Variants in RBFOX3 observed in about 807,000 individuals in gnomAD.
RBFOX3 encodes RNA binding protein fox-1 homolog 3.
Under a neutral mutation model 48.7 loss-of-function variants are expected in RBFOX3, and 17 were observed. That is an observed-to-expected ratio of 0.35 (90% CI 0.24 to 0.52). The LOEUF (loss-of-function observed/expected upper bound fraction) is 0.52. Among genes scored for constraint, RBFOX3 ranks in the 20% least tolerant of loss-of-function variants. The pLI, the probability that RBFOX3 is intolerant of heterozygous loss-of-function variation, is 0.94. For synonymous variants in RBFOX3, 212 were observed against 209.5 expected, an observed-to-expected ratio of 1.01 and a Z score of -0.10; for missense variants, 382 against 497.5, an observed-to-expected ratio of 0.77 and a Z score of 2.21.
rs1230101008 is a variant in RBFOX3 at position 79,165,166 on chromosome 17, T to A, written c.-33-49418A>T. The stretch of plus-strand genomic sequence containing the variant: ...CTGGTGTCCTCTGCCCTCCAGCATC[T>A]TCCTGCACAGCCCTCTGGGCTGGCT... On this transcript the variant is annotated intron_variant, in intron 4 of 14. Coordinates refer to ENST00000693108, the MANE Select transcript of RBFOX3 (RefSeq NM_001350451.2). 3.9e-5 allele frequency among the ~76,000 whole-genome samples: 6 copies of A among 152,144 alleles called. No homozygotes were observed. The East Asian group carries it at 1.2e-3, about 29-fold the overall frequency.
intron 1 of RBFOX3, among the ~76,000 whole-genome samples, chr17:79,534,115 T>G (rs529047976): frequency 3.5e-4 from 53 of 152,332 alleles, no homozygotes; most frequent in African/African-American, 1.2e-3. Context: ...CACAGAAACT[T>G]GCAATTAAGC....
At chr17:79,263,242 C>A (rs2066102329) in intron 3 of RBFOX3, among the ~76,000 whole-genome samples, 2 of 152,264 alleles carry the variant, frequency 1.3e-5, no homozygotes, top group Admixed American at 6.5e-5. Context: ...GAGAACACAG[C>A]AAGGGCAAAC....
chr17:79,292,017 A>T (rs1567987184), intron 3 of RBFOX3, among the ~76,000 whole-genome samples: 1 of 151,800 alleles, frequency 6.6e-6, no homozygotes, highest in Admixed American at 6.6e-5. Flanking sequence ...GTAGCTTAGG[A>T]CCCCCAAAGC....
chr17:79,522,671 T>C (rs2086267153), intron 1 of RBFOX3, among the ~76,000 whole-genome samples: 1 of 151,968 alleles, frequency 6.6e-6, no homozygotes, highest in Non-Finnish European at 1.5e-5. Flanking sequence ...GGCTCACGCC[T>C]GTAAACCCAG....
chr17:79,298,145 T>A (rs1160441539), intron 3 of RBFOX3: 1 of 152,222 alleles, frequency 6.6e-6, no homozygotes, highest in Non-Finnish European at 1.5e-5. Flanking sequence ...CAGAAAAGCA[T>A]CTGCAGCTAC....
chr17:79,101,678 G>A (rs1012448190), intron 8 of RBFOX3, 34 bp from the exon 9 acceptor site: 12 of 1,543,428 alleles, frequency 7.8e-6, no homozygotes, highest in African/African-American at 2.7e-5. Flanking sequence ...GAGGAAGAGG[G>A]AGGATTAGCC....
intron 1 of RBFOX3, among the ~76,000 whole-genome samples, chr17:79,608,241 G>A (rs2093881053): frequency 2.0e-5 from 3 of 152,230 alleles, no homozygotes; most frequent in Admixed American, 6.5e-5. Flanking sequence ...CCTGCGGAAG[G>A]GCAGTGAATA....
intron 1 of RBFOX3, among the ~76,000 whole-genome samples, chr17:79,560,318 C>G (rs992030290): frequency 6.6e-6 from 1 of 152,176 alleles, no homozygotes; most frequent in East Asian, 1.9e-4. Flanking sequence ...GGATACTTTG[C>G]GAACTGCAGA....
chr17:79,438,556 G>C (rs1259434551), intron 2 of RBFOX3, among the ~76,000 whole-genome samples: 16 of 152,222 alleles, frequency 1.1e-4, no homozygotes, highest in African/African-American at 3.9e-4. Context: ...GGGGCAGCCA[G>C]GCTGCACAGC....
intron 1 of RBFOX3, among the ~76,000 whole-genome samples, chr17:79,537,016 C>T (rs935143458): frequency 2.0e-5 from 3 of 151,514 alleles, no homozygotes; most frequent in African/African-American, 7.3e-5. Flanking sequence ...ACCCAGGAGT[C>T]GGAGGTTGCA....
chr17:79,163,259 G>C (rs113355186), intron 4 of RBFOX3, among the ~76,000 whole-genome samples: 27 of 152,356 alleles, frequency 1.8e-4, no homozygotes, highest in Non-Finnish European at 2.9e-4. Context: ...GTGTCACAGA[G>C]GAGGCAACCG....
At chr17:79,182,761 C>CCCGCCTCCCCCG (rs1173797407) in intron 4 of RBFOX3, among the ~76,000 whole-genome samples, 2 of 151,496 alleles carry the variant, frequency 1.3e-5, no homozygotes, top group Admixed American at 1.3e-4. Flanking sequence ...AGGCGGGTGG[C>CCCGCCTCCCCCG]CCACCTCCCC....
At chr17:79,543,480 C>G (rs950077867) in intron 1 of RBFOX3, among the ~76,000 whole-genome samples, 2 of 152,098 alleles carry the variant, frequency 1.3e-5, no homozygotes, top group African/African-American at 4.8e-5. Flanking sequence ...CAAACAGGTA[C>G]TCAACACCCC....
chr17:79,594,210 G>T (rs1281164336), intron 1 of RBFOX3, among the ~76,000 whole-genome samples: 5 of 152,102 alleles, frequency 3.3e-5, no homozygotes, highest in Non-Finnish European at 5.9e-5. Context: ...GGCTGAGACG[G>T]TGCTAGAATG....
chr17:79,248,939 C>T (rs961966935), intron 3 of RBFOX3, among the ~76,000 whole-genome samples: 47 of 152,248 alleles, frequency 3.1e-4, no homozygotes, highest in Non-Finnish European at 5.4e-4. Flanking sequence ...ACATCCACTG[C>T]CTCTTCTGTG....
chr17:79,410,346 G>A (rs1273143685), intron 2 of RBFOX3, among the ~76,000 whole-genome samples: 2 of 152,144 alleles, frequency 1.3e-5, no homozygotes, highest in African/African-American at 2.4e-5. Context: ...TTCTGGCTGC[G>A]GCAGGCAGAG....
intron 4 of RBFOX3, among the ~76,000 whole-genome samples, chr17:79,160,100 C>G (rs764625510): frequency 5.1e-4 from 77 of 152,272 alleles, no homozygotes; most frequent in Non-Finnish European, 9.7e-4. Flanking sequence ...TAAGTGACTG[C>G]CTAGCTCCGG....
chr17:79,453,306 C>T (rs2073890570), intron 2 of RBFOX3, among the ~76,000 whole-genome samples: 1 of 152,226 alleles, frequency 6.6e-6, no homozygotes, highest in Non-Finnish European at 1.5e-5. Context: ...GTGGCTTCAT[C>T]TCATTTTTGA....
At chr17:79,435,889 C>T (rs1555730843) in intron 2 of RBFOX3, among the ~76,000 whole-genome samples, 1 of 152,228 alleles carries the variant, frequency 6.6e-6, no homozygotes, top group East Asian at 1.9e-4. Context: ...GAATGCAAAG[C>T]AATCTTAACA....
Sources: allele counts gnomAD v4.1 joint callset (sites outside exome capture counted in the v4.1 genomes callset), GRCh38; gene constraint gnomAD v4.1.1; transcripts MANE v1.5; gene names NCBI Gene and HGNC (gene_info 2026-07-23, HGNC 2026-07-21).